DPYSL2: variants seen among roughly 807,000 people sequenced by gnomAD.
DPYSL2 encodes the protein dihydropyrimidinase like 2.
In DPYSL2, 13 loss-of-function variants were observed where a neutral mutation model predicts 69.9. That is an observed-to-expected ratio of 0.19 (90% CI 0.12 to 0.30). The LOEUF (loss-of-function observed/expected upper bound fraction) is 0.30. Among genes scored for constraint, DPYSL2 ranks in the 10% least tolerant of loss-of-function variants. The pLI is 1.00. For synonymous variants in DPYSL2, 326 were observed against 359.1 expected (o/e 0.91, Z 1.04); for missense variants, 587 against 918.9 (o/e 0.64, Z 4.67).
chr8:26,535,284 C>A lies in DPYSL2; in HGVS notation c.354+20605C>A, dbSNP rs76313188. 1.4e-3 allele frequency among the ~76,000 whole-genome samples: 219 copies of A among 152,252 alleles called. 2 individuals carry two copies. In the East Asian group the frequency reaches 0.034, roughly 23 times the overall value. Reference sequence around the variant, plus strand: ...GGGCCCCACCCTCATGACCTGATCACCTCTCAAAGGCCCTACCTCCAGATA... The same window carrying A: ...GGGCCCCACCCTCATGACCTGATCAACTCTCAAAGGCCCTACCTCCAGATA... On this transcript the variant is annotated intron_variant, in intron 1 of 13. Coordinates refer to ENST00000521913, the MANE Select transcript of DPYSL2 (RefSeq NM_001197293.3).
At chr8:26,573,247 G>C (rs1801268586) in intron 1 of DPYSL2, among the ~76,000 whole-genome samples, 2 of 152,216 alleles carry the variant, frequency 1.3e-5, no homozygotes, top group African/African-American at 4.8e-5. Flanking sequence ...ATTCCTGACT[G>C]GGTGTGGTGG....
chr8:26,578,398 T>G (rs1233854094), intron 1 of DPYSL2: 6 of 1,578,524 alleles, frequency 3.8e-6, no homozygotes, highest in Non-Finnish European at 4.3e-6. Context: ...GACCGAACTT[T>G]TTTTTTCCTT....
intron 7 of DPYSL2, among the ~76,000 whole-genome samples, chr8:26,632,621 T>C (rs1802804790): frequency 6.6e-6 from 1 of 152,188 alleles, no homozygotes; most frequent in South Asian, 2.1e-4. Context: ...GGAAGATTGC[T>C]TGAGCCCAGG....
chr8:26,601,810 A>T (rs933856909), intron 3 of DPYSL2, among the ~76,000 whole-genome samples: 4 of 152,232 alleles, frequency 2.6e-5, no homozygotes, highest in African/African-American at 9.6e-5. Flanking sequence ...CTGGGCCTGG[A>T]ACAAAGACAG....
rs554772382 is a variant in DPYSL2 at position 26,651,000 on chromosome 8, G to T, written c.1597-1257G>T. On this transcript the variant is annotated intron_variant, in intron 11 of 13. Coordinates refer to ENST00000521913, the MANE Select transcript of DPYSL2 (RefSeq NM_001197293.3). The surrounding 1 kb of genome is among the most constrained non-coding windows in gnomAD (Gnocchi z 5.3). ...TTTAGTCTAGGCTGGCAGTACCCGCGTGGCTCCGGCTGCTATAAGACACAT... is the reference window on the plus strand; with the variant it reads ...TTTAGTCTAGGCTGGCAGTACCCGCTTGGCTCCGGCTGCTATAAGACACAT... Among the ~76,000 whole-genome samples the T allele has an allele frequency of 4.6e-5, 7 of 152,330 alleles. No individual in the cohort carries two copies. In the South Asian group the frequency reaches 1.2e-3, roughly 27 times the overall value.
At chr8:26,574,132 A>G (rs1585517056) in intron 1 of DPYSL2, among the ~76,000 whole-genome samples, 1 of 152,164 alleles carries the variant, frequency 6.6e-6, no homozygotes, top group Non-Finnish European at 1.5e-5. Context: ...CACAGGAAGG[A>G]GTGCTTAAGG....
chr8:26,535,633 ATATT>A (rs1800578769), intron 1 of DPYSL2, among the ~76,000 whole-genome samples: 1 of 149,904 alleles, frequency 6.7e-6, no homozygotes. Flanking sequence ...ATATATATAT[ATATT>A]TTTTTTTTCA....
chr8:26,520,955 C>G (rs1190575152), intron 1 of DPYSL2, among the ~76,000 whole-genome samples: 2 of 152,084 alleles, frequency 1.3e-5, no homozygotes, highest in Non-Finnish European at 2.9e-5. Flanking sequence ...GAGGGCTCCA[C>G]CCTCATGGCC....
chr8:26,622,380 C>T (rs1257895167), intron 3 of DPYSL2, among the ~76,000 whole-genome samples: 1 of 151,400 alleles, frequency 6.6e-6, no homozygotes, highest in Non-Finnish European at 1.5e-5. Flanking sequence ...CATTTATTTA[C>T]TAATCACTAA....
intron 8 of DPYSL2, among the ~76,000 whole-genome samples, chr8:26,638,561 C>CA (rs1381767940): frequency 6.6e-6 from 1 of 152,206 alleles, no homozygotes; most frequent in Non-Finnish European, 1.5e-5. Flanking sequence ...CGCTGAGAGA[C>CA]ACGCTGCTTC....
At chr8:26,540,212 A>T (rs1800656709) in intron 1 of DPYSL2, among the ~76,000 whole-genome samples, 3 of 152,206 alleles carry the variant, frequency 2.0e-5, no homozygotes, top group Admixed American at 2.0e-4. Context: ...TGAAGAGTGC[A>T]ATGAATGAAA....
chr8:26,580,767 T>C lies in DPYSL2; in HGVS notation c.355-1202T>C, dbSNP rs1477445760. On this transcript the variant is annotated intron_variant, in intron 1 of 13. Coordinates refer to ENST00000521913, the MANE Select transcript of DPYSL2 (RefSeq NM_001197293.3). The surrounding 1 kb of genome is among the most constrained non-coding windows in gnomAD (Gnocchi z 4.1). The stretch of plus-strand genomic sequence containing the variant: ...CTATTGCCAAAAGAATGTCATTCTT[T>C]GAAATGTGTTGCATATTAAAAGGGC... Among the ~76,000 whole-genome samples, 2 of 152,244 alleles carry C rather than the reference T, an allele frequency of 1.3e-5. No individual in the cohort carries two copies. The highest frequency in any genetic ancestry group is 4.8e-5 in the African/African-American group (2 of 41,462).
intron 3 of DPYSL2, among the ~76,000 whole-genome samples, chr8:26,594,409 C>T (rs1313941122): frequency 6.6e-6 from 1 of 152,002 alleles, no homozygotes; most frequent in African/African-American, 2.4e-5. Context: ...ATTCTATAGC[C>T]AGGTGGCCTC....
In DPYSL2 at chr8:26,580,861, C is replaced by G. The variant is rs1233106638; in HGVS notation, c.355-1108C>G. Among the ~76,000 whole-genome samples the G allele has an allele frequency of 6.6e-6, 1 of 152,172 alleles. No individual in the cohort carries two copies. The highest frequency in any genetic ancestry group is 1.5e-5 in the Non-Finnish European group (1 of 68,030). On this transcript the variant is annotated intron_variant, in intron 1 of 13. Coordinates refer to ENST00000521913, the MANE Select transcript of DPYSL2 (RefSeq NM_001197293.3). The surrounding 1 kb of genome is among the most constrained non-coding windows in gnomAD (Gnocchi z 4.1). ...TACAGGTGCATATTTACTGAACACT[C>G]GATGCCAGCATTCCTTCCATCAGCA...
chr8:26,646,532 C>T (rs1227198657), intron 10 of DPYSL2, among the ~76,000 whole-genome samples: 1 of 152,140 alleles, frequency 6.6e-6, no homozygotes, highest in Admixed American at 6.5e-5. Flanking sequence ...TTTTCCTATG[C>T]TTAGTGGCCA....
At chr8:26,544,452 C>T (rs926325417) in intron 1 of DPYSL2, among the ~76,000 whole-genome samples, 9 of 152,174 alleles carry the variant, frequency 5.9e-5, no homozygotes, top group East Asian at 1.9e-4. Context: ...ATTACCACTA[C>T]GTTTAATATA....
In DPYSL2 at chr8:26,620,961, A is replaced by G. The variant is rs904690465; in HGVS notation, c.629-3182A>G. ...ATACACATATTTTACATACACATAT[A>G]CACATATAAATACACACGTACATAC... On this transcript the variant is annotated intron_variant, in intron 3 of 13. Coordinates refer to ENST00000521913, the MANE Select transcript of DPYSL2 (RefSeq NM_001197293.3). This position sits in a 1 kb window ranked among gnomAD's most constrained non-coding sequence, Gnocchi z 4.5. 2.0e-5 allele frequency among the ~76,000 whole-genome samples: 3 copies of G among 152,210 alleles called. No homozygotes were observed. The highest frequency in any genetic ancestry group is 4.4e-5 in the Non-Finnish European group (3 of 68,036).
At chr8:26,574,582 A>G (rs750312127) in intron 1 of DPYSL2, among the ~76,000 whole-genome samples, 4 of 152,200 alleles carry the variant, frequency 2.6e-5, no homozygotes, top group Non-Finnish European at 5.9e-5. Flanking sequence ...TGATTGCGGA[A>G]CAGGCAATTT....
chr8:26,569,467 G>A (rs1184891501), intron 1 of DPYSL2, among the ~76,000 whole-genome samples: 8 of 151,908 alleles, frequency 5.3e-5, no homozygotes, highest in Admixed American at 2.6e-4. Flanking sequence ...GGTGGAAGAT[G>A]AAGCCTCGGT....
Sources: gnomAD v4.1 joint callset for allele counts (sites outside exome capture counted in the v4.1 genomes callset) on GRCh38, gnomAD v4.1.1 for gene constraint, Gnocchi (gnomAD v3.1) non-coding constraint, MANE v1.5 for transcripts, NCBI Gene and HGNC (gene_info 2026-07-23, HGNC 2026-07-21) for gene names.